SHROOM4: variants seen among roughly 807,000 people sequenced by gnomAD.
SHROOM4 encodes shroom family member 4.
A neutral mutation model predicts 80.3 loss-of-function variants in SHROOM4; 17 were observed. The observed-to-expected ratio is 0.21, with a 90% CI of 0.14 to 0.32. The LOEUF (loss-of-function observed/expected upper bound fraction) is 0.32, where lower values mean the gene tolerates loss of function less well. Among genes scored for constraint, SHROOM4 ranks in the 10% least tolerant of loss-of-function variants. The pLI is 1.00. For missense variants in SHROOM4, 993 were observed against 1,140.3 expected, an observed-to-expected ratio of 0.87 and a Z score of 1.86; for synonymous variants, 400 against 437.5, an observed-to-expected ratio of 0.91 and a Z score of 1.07.
chrX:50,743,629 A>C (rs1934714193), intron 1 of SHROOM4, among the ~76,000 whole-genome samples: 1 of 109,273 alleles, frequency 9.2e-6, no homozygotes, highest in South Asian at 4.1e-4. Flanking sequence ...CGCTAATTTT[A>C]AAATTTTTTG....
At chrX:50,693,050 T>C (rs138084756) in intron 2 of SHROOM4, among the ~76,000 whole-genome samples, 140 of 111,088 alleles carry the variant, frequency 1.3e-3, no homozygotes, top group Non-Finnish European at 2.0e-3. Context: ...AAATGTCTAA[T>C]AGGAAGTTGG....
chrX:50,626,930 T>C (rs1930828391), intron 5 of SHROOM4, among the ~76,000 whole-genome samples: 1 of 111,283 alleles, frequency 9.0e-6, no homozygotes, highest in Non-Finnish European at 1.9e-5. Flanking sequence ...TTCAATAAAG[T>C]CCTCTTATTT....
chrX:50,635,646 G>A lies in SHROOM4; in HGVS notation c.427C>T (p.Pro143Ser). The change falls in exon 4 of 9, where the codon CCA becomes TCA. Residue 143 changes from proline to serine, a missense_variant. Transcript: ENST00000376020. ...NTSDVCVQWCPLSRHCSTEKS... is the reference protein window; with the variant it reads ...NTSDVCVQWCSLSRHCSTEKS... Reference sequence around the variant, plus strand: ...TCGGTGCTGCAATGCCGGGAGAGTGGACACCACTGCACACACACGTCACTG... The same window carrying A: ...TCGGTGCTGCAATGCCGGGAGAGTGAACACCACTGCACACACACGTCACTG... 1 of 1,209,391 alleles carries A rather than the reference G, an allele frequency of 8.3e-7. No homozygotes were observed. The highest frequency in any genetic ancestry group is 1.1e-6 in the Non-Finnish European group (1 of 895,007).
intron 2 of SHROOM4, among the ~76,000 whole-genome samples, chrX:50,660,852 A>G (rs1403075224): frequency 2.7e-5 from 3 of 109,340 alleles, no homozygotes; most frequent in African/African-American, 1.0e-4. Context: ...CCTGGTCACA[A>G]GCAATCCTCC....
At chrX:50,741,754 T>C (rs1394480677) in intron 1 of SHROOM4, among the ~76,000 whole-genome samples, 1 of 110,771 alleles carries the variant, frequency 9.0e-6, no homozygotes, top group African/African-American at 3.3e-5. Flanking sequence ...ATGCTCTTTA[T>C]CACGTCAAAG....
chrX:50,729,877 G>A (rs1349562357), intron 1 of SHROOM4, among the ~76,000 whole-genome samples: 1 of 110,818 alleles, frequency 9.0e-6, no homozygotes, highest in Non-Finnish European at 1.9e-5. Context: ...CATCAACCAA[G>A]TATCATATAC....
chrX:50,613,623 G>A (rs1363283458), intron 5 of SHROOM4, among the ~76,000 whole-genome samples: 1 of 111,469 alleles, frequency 9.0e-6, no homozygotes, highest in Non-Finnish European at 1.9e-5. Context: ...GGATCTATAC[G>A]CAAAAACTTT....
chrX:50,674,551 G>A (rs939785306), intron 2 of SHROOM4, among the ~76,000 whole-genome samples: 2 of 111,683 alleles, frequency 1.8e-5, no homozygotes, highest in East Asian at 5.6e-4. Flanking sequence ...ACCTAAGTCT[G>A]ATACTTAAAC....
intron 2 of SHROOM4, among the ~76,000 whole-genome samples, chrX:50,656,498 T>C (rs1366294570): frequency 8.9e-6 from 1 of 112,224 alleles, no homozygotes; most frequent in African/African-American, 3.2e-5. Flanking sequence ...CACCATTTAC[T>C]GAAGAGACTG....
intron 2 of SHROOM4, among the ~76,000 whole-genome samples, chrX:50,690,773 C>T (rs1236945516): frequency 8.9e-6 from 1 of 112,112 alleles, no homozygotes; most frequent in Non-Finnish European, 1.9e-5. Context: ...TCAAGACCAG[C>T]CTGGCCAACA....
intron 1 of SHROOM4, among the ~76,000 whole-genome samples, chrX:50,725,138 C>T (rs1934216656): frequency 8.9e-6 from 1 of 111,952 alleles, no homozygotes; most frequent in Admixed American, 9.5e-5. Flanking sequence ...GAGGAAGGCT[C>T]CCTTTATCCC....
intron 1 of SHROOM4, among the ~76,000 whole-genome samples, chrX:50,789,586 A>G (rs1168779316): frequency 8.9e-6 from 1 of 111,785 alleles, no homozygotes; most frequent in African/African-American, 3.2e-5. Context: ...TCAAGAAACT[A>G]GAAAAATAAG....
chrX:50,673,056 G>C (rs1468243828), intron 2 of SHROOM4, among the ~76,000 whole-genome samples: 1 of 111,446 alleles, frequency 9.0e-6, no homozygotes, highest in Non-Finnish European at 1.9e-5. Flanking sequence ...TCTGTAAATG[G>C]AAAGGAAATG....
intron 1 of SHROOM4, among the ~76,000 whole-genome samples, chrX:50,761,437 T>C (rs782599042): frequency 8.9e-6 from 1 of 112,587 alleles, no homozygotes; most frequent in East Asian, 2.8e-4. Context: ...TCTGTTATTT[T>C]TTTACTTTTT....
chrX:50,742,888 T>C (rs1373966934), intron 1 of SHROOM4, among the ~76,000 whole-genome samples: 1 of 112,495 alleles, frequency 8.9e-6, no homozygotes, highest in Non-Finnish European at 1.9e-5. Flanking sequence ...GACAGAGTAG[T>C]AACATAAATC....
downstream of SHROOM4, among the ~76,000 whole-genome samples, chrX:50,584,240 A>T (rs1000557913): frequency 2.4e-4 from 27 of 112,512 alleles, no homozygotes; most frequent in Admixed American, 1.9e-3. Flanking sequence ...CTGAAAACTG[A>T]GGGTCATTGG....
chrX:50,698,490 A>G (rs1298518418), intron 1 of SHROOM4, among the ~76,000 whole-genome samples: 1 of 111,925 alleles, frequency 8.9e-6, no homozygotes, highest in African/African-American at 3.3e-5. Flanking sequence ...AGAAGGGTCC[A>G]GATCAGGAAG....
intron 1 of SHROOM4, among the ~76,000 whole-genome samples, chrX:50,781,137 G>A (rs1281033194): frequency 9.0e-6 from 1 of 111,173 alleles, no homozygotes; most frequent in Non-Finnish European, 1.9e-5. Context: ...ATTTGGATGG[G>A]ACCCCTACAG....
downstream of SHROOM4, among the ~76,000 whole-genome samples, chrX:50,582,378 A>G (rs782267976): frequency 1.8e-5 from 2 of 111,904 alleles, no homozygotes; most frequent in South Asian, 7.5e-4. Flanking sequence ...ATTTTAAGCC[A>G]TTCAGTTGTG....
Sources: allele counts gnomAD v4.1 joint callset (sites outside exome capture counted in the v4.1 genomes callset), GRCh38; gene constraint gnomAD v4.1.1; transcripts MANE v1.5; gene names NCBI Gene and HGNC (gene_info 2026-07-23, HGNC 2026-07-21).